The following SELENOW variants were observed in gnomAD, a reference collection of about 807,000 sequenced individuals.
SELENOW encodes the protein selenoprotein W.
A neutral mutation model predicts 16.6 loss-of-function variants in SELENOW; 20 were observed. That is an observed-to-expected ratio of 1.21 (90% CI 0.85 to 1.76). The LOEUF (loss-of-function observed/expected upper bound fraction) is 1.76, where lower values mean the gene tolerates loss of function less well. Among genes scored for constraint, SELENOW ranks in the 40% most tolerant of loss-of-function variants. The pLI, the probability that SELENOW is intolerant of heterozygous loss-of-function variation, is 0.00. For missense variants in SELENOW, 124 were observed against 111.0 expected (o/e 1.12, Z -0.53); for synonymous variants, 44 against 46.2 (o/e 0.95, Z 0.19).
intron 5 of SELENOW, 143 bp from the exon 6 acceptor site, chr19:47,784,147 G>C (rs1001952841): frequency 2.6e-5 from 4 of 152,174 alleles, no homozygotes; most frequent in African/African-American, 9.7e-5. Flanking sequence ...TGATCCGCCC[G>C]CCTCAGCCTC....
At chr19:47,778,852 C>T (rs764761844) in intron 1 of SELENOW, 38 bp downstream of exon 1, 36 of 1,581,576 alleles carry the variant, frequency 2.3e-5, no homozygotes, top group Non-Finnish European at 3.0e-5. Flanking sequence ...CCCCGACCCC[C>T]GCCGGGACCC....
intron 5 of SELENOW, 146 bp downstream of exon 5, chr19:47,781,534 G>A: frequency 6.5e-6 from 4 of 618,632 alleles, no homozygotes; most frequent in South Asian, 3.7e-5. Context: ...GTTAGACCCG[G>A]TTGGTGGAGG....
chr19:47,780,326 A>T, intron 1 of SELENOW: 1 of 364,054 alleles, frequency 2.7e-6, no homozygotes, highest in Admixed American at 3.7e-5. Flanking sequence ...TGGTGGGCAC[A>T]GGGAGTGGGT....
intron 1 of SELENOW, 32 bp downstream of exon 1, chr19:47,778,846 G>A: frequency 3.4e-6 from 5 of 1,478,366 alleles, no homozygotes; most frequent in Non-Finnish European, 4.6e-6. Context: ...CCCCGTCCCC[G>A]ACCCCCGCCG....
chr19:47,784,404 A>C lies in SELENOW; in HGVS notation c.*133A>C, dbSNP rs377735451. 1 of 152,620 alleles carries C rather than the reference A, an allele frequency of 6.6e-6. No homozygotes were observed. Among genetic ancestry groups the C allele is most frequent in the East Asian group, 1.9e-4 (1 of 5,182 alleles). The allele number at this position is 152,620 out of a possible 1,614,324, so 9.5% of individuals were successfully genotyped here. A position where few individuals can be genotyped will look rare whatever the true frequency, so the allele number is the denominator to read the frequency against. Reference sequence around the variant, plus strand: ...TTCTCGTGGCTGCTGTTGGGGGCAGAGATTGACGCCCCCGGTCTTTGCCTC... The same window carrying C: ...TTCTCGTGGCTGCTGTTGGGGGCAGCGATTGACGCCCCCGGTCTTTGCCTC... On this transcript the variant is annotated 3_prime_UTR_variant, in exon 6 of 6. Transcript: ENST00000601048.
intron 1 of SELENOW, chr19:47,779,452 T>C (rs1252986747): frequency 6.5e-6 from 1 of 152,672 alleles, no homozygotes; most frequent in Non-Finnish European, 1.5e-5. Flanking sequence ...TGTGGCATGC[T>C]GTAGGTATTT....
chr19:47,778,918 T>C, intron 1 of SELENOW, 104 bp downstream of exon 1: 1 of 1,161,580 alleles, frequency 8.6e-7, no homozygotes, highest in Middle Eastern at 2.2e-4. Flanking sequence ...GGAGCCCTTG[T>C]ATGGGAAAAG....
chr19:47,781,504 C>T (rs1220059557), intron 5 of SELENOW, 116 bp downstream of exon 5: 6 of 659,536 alleles, frequency 9.1e-6, no homozygotes, highest in African/African-American at 7.2e-5. Flanking sequence ...CACGTGTGTC[C>T]CCAGAGCGAG....
chr19:47,780,943 C>A (rs764059545), intron 3 of SELENOW, 26 bp downstream of exon 3: 1 of 1,612,302 alleles, frequency 6.2e-7, no homozygotes. Context: ...GGGAGAAAGA[C>A]TTGAGCACAG....
chr19:47,780,255 G>A (rs567646224), intron 1 of SELENOW: 56 of 371,278 alleles, frequency 1.5e-4, no homozygotes, highest in East Asian at 6.7e-4. Context: ...GCTGGGCGTG[G>A]TGTAAGAATC....
intron 1 of SELENOW, chr19:47,780,114 T>G (rs1464912468): frequency 1.5e-5 from 7 of 455,862 alleles, no homozygotes; most frequent in Non-Finnish European, 3.1e-5. Flanking sequence ...GTTCAGAATC[T>G]AGGAGCTGCG....
At position 47,780,680 on chromosome 19, in the gene SELENOW, C is replaced by G. The variant is rs1438056067; in HGVS notation, c.30-45C>G. The G allele has an allele frequency of 1.0e-5, 16 of 1,540,626 alleles. No individual in the cohort carries two copies. The Middle Eastern group carries it at 8.5e-4, about 81-fold the overall frequency. ...CCCTCCTCTCCCCGATCCCCCACTT[C>G]TCCCTCTCTCCCCTGGGCCCCAATG... is the stretch of plus-strand genomic sequence containing the variant. On this transcript the variant is annotated intron_variant, in intron 1 of 5. Coordinates refer to ENST00000601048, the MANE Select transcript of SELENOW (RefSeq NM_003009.4).
intron 2 of SELENOW, 31 bp from the exon 3 acceptor site, chr19:47,780,833 C>T (rs777106864): frequency 6.2e-7 from 1 of 1,610,370 alleles, no homozygotes; most frequent in Non-Finnish European, 8.5e-7. Flanking sequence ...ACTGGTATGA[C>T]CCCTGCTGTG....
At chr19:47,781,511 C>A in intron 5 of SELENOW, 123 bp downstream of exon 5, 1 of 646,132 alleles carries the variant, frequency 1.5e-6, no homozygotes, top group Non-Finnish European at 2.8e-6. Context: ...GTCCCCAGAG[C>A]GAGCGGGATA....
chr19:47,779,988 G>C (rs939065827), intron 1 of SELENOW: 6 of 328,300 alleles, frequency 1.8e-5, no homozygotes, highest in African/African-American at 1.3e-4. Context: ...CGACAAAGCA[G>C]AGGCAAGAGT....
intron 1 of SELENOW, chr19:47,780,501 C>G (rs943194369): frequency 1.0e-5 from 6 of 584,110 alleles, no homozygotes; most frequent in African/African-American, 5.6e-5. Context: ...TGTGTGTCCC[C>G]GCGCCACCCC....
At chr19:47,783,139 A>G (rs1967494749) in intron 5 of SELENOW, 1 of 151,422 alleles carries the variant, frequency 6.6e-6, no homozygotes, top group Admixed American at 6.6e-5. Flanking sequence ...CCTGGGTTCA[A>G]GGGATTCTTG....
At chr19:47,780,559 T>C (rs906042183) in intron 1 of SELENOW, 166 bp from the exon 2 acceptor site, 1 of 643,010 alleles carries the variant, frequency 1.6e-6, no homozygotes, top group African/African-American at 1.8e-5. Context: ...GTCTTCTCTC[T>C]TGAGGGCATC....
chr19:47,781,082 A>T (rs1162221252), intron 3 of SELENOW, 26 bp from the exon 4 acceptor site: 4 of 1,608,728 alleles, frequency 2.5e-6, no homozygotes. Context: ...AGCCCCTCCA[A>T]CATCTCCCCT....
Sources: allele counts gnomAD v4.1 joint callset, GRCh38; gene constraint gnomAD v4.1.1; transcripts MANE v1.5; gene names NCBI Gene and HGNC (gene_info 2026-07-23, HGNC 2026-07-21).